Variants in CCK observed in about 807,000 individuals in gnomAD.
CCK encodes the protein cholecystokinin, also known as cholecystokinin triacontatriapeptide.
Under a neutral mutation model 10.1 loss-of-function variants are expected in CCK, and 11 were observed. The ratio of observed to expected loss-of-function variants is 1.09; its 90% CI spans 0.69 to 1.81. The LOEUF (loss-of-function observed/expected upper bound fraction) is 1.81. CCK is among the 40% of genes most tolerant of loss of function. CCK has a pLI of 0.00. For missense variants in CCK, 137 were observed against 159.9 expected (o/e 0.86, Z 0.77); for synonymous variants, 83 against 71.9 (o/e 1.15, Z -0.78).
rs200351516 is a variant in CCK, at chr3:42,258,116, C to T, written c.330G>A (p.Glu110=). 2 of 1,613,908 alleles carry T rather than the reference C, an allele frequency of 1.2e-6. No homozygotes were observed. Among genetic ancestry groups the T allele is most frequent in the Non-Finnish European group, 1.7e-6 (2 of 1,179,968 alleles). ...WMDFGRRSAE[E]YEYPS ...GGGTCCTCTAGGAGGGGTACTCATA[C>T]TCCTCGGCACTGCGACGGCCAAAAT... Residue 110 remains glutamate (E), a synonymous_variant, in exon 5 of 5, where the codon GAG becomes GAA. Transcript: ENST00000396169.
At position 42,258,180 on chromosome 3, in the gene CCK, C is replaced by T. The variant is rs1385042899; in HGVS notation, c.266G>A (p.Ser89Asn). 6.2e-7 allele frequency: 1 copy of T among 1,614,122 alleles called. No individual in the cohort carries two copies. Among genetic ancestry groups the T allele is most frequent in the Admixed American group, 1.7e-5 (1 of 60,008 alleles). The part of the protein sequence containing the change: ...IVKNLQNLDP[S>N]HRISDRDYMG... Reference sequence around the variant, plus strand: ...GTAGTCCCGGTCACTTATCCTGTGGCTGGGGTCCAGGTTCTGCAGGTTCTT... The same window carrying T: ...GTAGTCCCGGTCACTTATCCTGTGGTTGGGGTCCAGGTTCTGCAGGTTCTT... Residue 89 changes from serine (S) to asparagine (N), a missense_variant, in exon 5 of 5, where the codon AGC becomes AAC. Coordinates refer to ENST00000396169, the MANE Select transcript of CCK (RefSeq NM_000729.6).
Position 42,263,697 on chromosome 3 carries a change from G to A in CCK, c.-2-65C>T, listed in dbSNP as rs1189183048. On this transcript the variant is annotated intron_variant, in intron 3 of 4. Transcript: ENST00000396169. ...CTGGGCAACAGAGCTCCTGCGGCGG[G>A]CCGGGCACCCAGAAGCGGGCTTAGG... 3.0e-5 allele frequency: 43 copies of A among 1,457,342 alleles called. No homozygotes were observed. The East Asian group carries it at 1.1e-3, about 36-fold the overall frequency. The allele number at this position is 1,457,342 out of a possible 1,614,324, so 90.3% of individuals were successfully genotyped here.
rs2241997 is a variant in CCK, at chr3:42,264,513, C to T, written c.-3+184G>A. Among the ~76,000 whole-genome samples, 11 of 152,174 alleles carry T rather than the reference C, an allele frequency of 7.2e-5. No homozygotes were observed. The East Asian group carries it at 2.1e-3, about 29-fold the overall frequency. ...TATGAAAGGCTCTAAAGCAGCTCTA[C>T]CCACCCAGACCTCACTTTTAGACCC... On this transcript the variant is annotated intron_variant, in intron 3 of 4. Transcript: ENST00000396169.
chr3:42,261,545 C>T (rs4602358), intron 4 of CCK, among the ~76,000 whole-genome samples: 72,895 of 151,514 alleles, frequency 0.48, 17,954 homozygotes, highest in South Asian at 0.64. Flanking sequence ...AACTTTCCAG[C>T]TAAGATTTAT....
At position 42,257,878 on chromosome 3, in the gene CCK, G is replaced by A. The variant is rs1458938650; in HGVS notation, c.*220C>T. ...CAACATTTTCAGACCAGGAGTCACAGATGAAGAAAACATTTTGTCTTCCAT... is the reference window on the plus strand; with the variant it reads ...CAACATTTTCAGACCAGGAGTCACAAATGAAGAAAACATTTTGTCTTCCAT... On this transcript the variant is annotated 3_prime_UTR_variant, in exon 5 of 5. Coordinates refer to ENST00000396169, the MANE Select transcript of CCK (RefSeq NM_000729.6). 1 of 509,176 alleles carries A rather than the reference G, an allele frequency of 2.0e-6. No homozygotes were observed. The highest frequency in any genetic ancestry group is 3.4e-6 in the Non-Finnish European group (1 of 290,654). The allele number at this position is 509,176 out of a possible 1,614,324, so 31.5% of individuals were successfully genotyped here.
rs140173487 is a variant in CCK at position 42,260,894 on chromosome 3, T to TG, written c.214+2522dup. Among the ~76,000 whole-genome samples the TG allele has an allele frequency of 6.6e-5, 10 of 152,294 alleles. No homozygotes were observed. The East Asian group carries it at 1.9e-3, about 29-fold the overall frequency. Reference sequence around the variant, plus strand: ...AAGCTGAATGGCTTCCAGGCCCTCCTGGGGGGAGCAGGACTAGATAGAGTC... The same window carrying TG: ...AAGCTGAATGGCTTCCAGGCCCTCCTGGGGGGGAGCAGGACTAGATAGAGTC... On this transcript the variant is annotated intron_variant, in intron 4 of 4. Coordinates refer to ENST00000396169, the MANE Select transcript of CCK (RefSeq NM_000729.6).
intron 4 of CCK, chr3:42,263,172 T>C (rs1577102988): frequency 1.6e-6 from 1 of 618,818 alleles, no homozygotes; most frequent in East Asian, 2.8e-5. Flanking sequence ...TAAAATGGTG[T>C]TGAACTTAAT....
intron 3 of CCK, chr3:42,263,983 A>C: frequency 4.2e-6 from 1 of 238,046 alleles, no homozygotes; most frequent in Non-Finnish European, 8.0e-6. Context: ...ACCCCACGAG[A>C]TTAAAAATAG....
rs186712639 is a variant in CCK at position 42,264,283 on chromosome 3, T to C, written c.-3+414A>G. ...GAAAGCCCCGTGCATTTTAGATCGC[T>C]AGTGGATAAAACACCCTCAAGTTTC... is the stretch of plus-strand genomic sequence containing the variant. On this transcript the variant is annotated intron_variant, in intron 3 of 4. Coordinates refer to ENST00000396169, the MANE Select transcript of CCK (RefSeq NM_000729.6). 1.2e-4 allele frequency among the ~76,000 whole-genome samples: 18 copies of C among 152,358 alleles called. No homozygotes were observed. In the East Asian group the frequency reaches 3.3e-3, roughly 28 times the overall value.
chr3:42,260,054 G>A (rs907487106), intron 4 of CCK, among the ~76,000 whole-genome samples: 1 of 152,136 alleles, frequency 6.6e-6, no homozygotes, highest in Non-Finnish European at 1.5e-5. Flanking sequence ...AAATGCAAAG[G>A]CAGTTACCCT....
At chr3:42,263,130 T>C in intron 4 of CCK, 1 of 523,636 alleles carries the variant, frequency 1.9e-6, no homozygotes, top group East Asian at 3.5e-5. Flanking sequence ...AACCCTTTCC[T>C]AGGCTTCAAT....
chr3:42,259,300 T>C (rs1024327239), intron 4 of CCK, among the ~76,000 whole-genome samples: 12 of 152,122 alleles, frequency 7.9e-5, no homozygotes, highest in African/African-American at 2.7e-4. Context: ...TGTATACCTA[T>C]GTAACAAACC....
chr3:42,258,550 C>T lies in CCK; in HGVS notation c.215-319G>A, dbSNP rs11571874. Among the ~76,000 whole-genome samples the T allele has an allele frequency of 2.0e-3, 303 of 152,246 alleles. 1 individual carries two copies. The highest frequency in any genetic ancestry group is 6.5e-3 in the African/African-American group (269 of 41,546). On this transcript the variant is annotated intron_variant, in intron 4 of 4. Coordinates refer to ENST00000396169, the MANE Select transcript of CCK (RefSeq NM_000729.6). ...CCTAGATTTTCCTTAGTCTCCCTAC[C>T]GTTTGCTTTCTTTTGGTAGATGGGT...
chr3:42,258,261 G>T (rs1237024964), intron 4 of CCK, 30 bp from the exon 5 acceptor site: 1 of 1,601,466 alleles, frequency 6.2e-7, no homozygotes. Context: ...AGGAAACAGG[G>T]ACATTGCATC....
At chr3:42,261,844 G>C (rs1711219267) in intron 4 of CCK, among the ~76,000 whole-genome samples, 2 of 152,202 alleles carry the variant, frequency 1.3e-5, no homozygotes, top group South Asian at 4.1e-4. Flanking sequence ...TTTTCAGGCA[G>C]AGAATCAGCA....
In CCK at chr3:42,260,370, C is replaced by G. The variant is rs116837519; in HGVS notation, c.215-2139G>C. On this transcript the variant is annotated intron_variant, in intron 4 of 4. Transcript: ENST00000396169. ...CCTGCTGTGATGATGAGTGCCCACT[C>G]TAAGGCCTGGGCACAACCCAAATTT... 4.4e-3 allele frequency among the ~76,000 whole-genome samples: 670 copies of G among 152,336 alleles called. 3 individuals carry two copies. Among genetic ancestry groups the G allele is most frequent in the African/African-American group, 0.015 (636 of 41,572 alleles).
intron 4 of CCK, among the ~76,000 whole-genome samples, chr3:42,262,186 C>G (rs1369996086): frequency 2.7e-5 from 4 of 150,602 alleles, no homozygotes; most frequent in Non-Finnish European, 5.9e-5. Context: ...AACACACCTA[C>G]CACATCCCTT....
At chr3:42,258,296 G>A in intron 4 of CCK, 65 bp from the exon 5 acceptor site, 1 of 1,556,484 alleles carries the variant, frequency 6.4e-7, no homozygotes, top group Non-Finnish European at 8.7e-7. Flanking sequence ...GTTCAATTTG[G>A]GAAGGAGAGC....
chr3:42,263,287 G>A, intron 4 of CCK, 130 bp downstream of exon 4: 1 of 1,412,904 alleles, frequency 7.1e-7, no homozygotes, highest in Non-Finnish European at 1.0e-6. Flanking sequence ...ACAAAGGACC[G>A]CCAGAAATCA....
Sources: gnomAD v4.1 joint callset for allele counts (sites outside exome capture counted in the v4.1 genomes callset) on GRCh38, gnomAD v4.1.1 for gene constraint, MANE v1.5 for transcripts, NCBI Gene and HGNC (gene_info 2026-07-23, HGNC 2026-07-21) for gene names.